KIAA1671: variants seen among roughly 807,000 people sequenced by gnomAD.
The protein encoded by KIAA1671 is KIAA1671, also known as uncharacterized protein KIAA1671.
KIAA1671 carries 52 observed loss-of-function variants against 131.2 expected under a neutral mutation model. The observed-to-expected ratio is 0.40, with a 90% confidence interval of 0.32 to 0.50. The LOEUF is 0.50. Among genes scored for constraint, KIAA1671 ranks in the 20% least tolerant of loss-of-function variants. The probability of loss-of-function intolerance (pLI) is 0.73; values close to 1 mark genes in which losing one functional copy is unlikely to be tolerated. For missense variants in KIAA1671, 2,360 were observed against 2,364.2 expected, an observed-to-expected ratio of 1.00 and a Z score of 0.04; for synonymous variants, 1,003 against 961.6, an observed-to-expected ratio of 1.04 and a Z score of -0.80.
At chr22:24,988,079 C>G (rs1206659590) in intron 1 of KIAA1671, among the ~76,000 whole-genome samples, 2 of 151,814 alleles carry the variant, frequency 1.3e-5, no homozygotes, top group Non-Finnish European at 2.9e-5. Context: ...AGTTCGAGAC[C>G]AGCTTGGCTA....
At chr22:24,953,005 C>A (rs950355750) in intron 1 of KIAA1671, among the ~76,000 whole-genome samples, 1 of 152,164 alleles carries the variant, frequency 6.6e-6, no homozygotes, top group African/African-American at 2.4e-5. Flanking sequence ...CCGGGGAATC[C>A]GTCTCCCGAG....
intron 1 of KIAA1671, among the ~76,000 whole-genome samples, chr22:24,959,889 G>A (rs1396993225): frequency 6.6e-6 from 1 of 152,102 alleles, no homozygotes; most frequent in African/African-American, 2.4e-5. Context: ...TGTAATCCCA[G>A]CACTTTGGGA....
intron 1 of KIAA1671, among the ~76,000 whole-genome samples, chr22:25,018,586 C>G (rs1925473295): frequency 1.3e-5 from 2 of 152,140 alleles, no homozygotes; most frequent in African/African-American, 2.4e-5. Context: ...CGCTGGCAAC[C>G]ACCATTGTAC....
chr22:24,960,308 T>C (rs947570385), intron 1 of KIAA1671, among the ~76,000 whole-genome samples: 1 of 151,176 alleles, frequency 6.6e-6, no homozygotes, highest in African/African-American at 2.4e-5. Context: ...CCCAGCACTT[T>C]AGGCGGCCGG....
intron 1 of KIAA1671, among the ~76,000 whole-genome samples, chr22:24,994,317 G>A (rs1923995003): frequency 6.6e-6 from 1 of 152,176 alleles, no homozygotes; most frequent in Non-Finnish European, 1.5e-5. Context: ...GGGTGCAAAG[G>A]CAAGCAGTTT....
Position 25,039,924 on chromosome 22 carries a change from G to A in KIAA1671, c.2794G>A (p.Val932Ile). The change falls in exon 5 of 13, where the codon GTC (valine) becomes ATC (isoleucine). Residue 932 changes from valine to isoleucine, a missense_variant. Val to Ile is a conservative substitution (Grantham distance 29). Coordinates refer to ENST00000358431, the MANE Select transcript of KIAA1671 (RefSeq NM_001145206.2). Reference sequence around the variant, plus strand: ...GCCGGCCCAGGTGCCACAGCCTGCAGTCAGAATGCGGAAAGCCGGCGCCAT... The same window carrying A: ...GCCGGCCCAGGTGCCACAGCCTGCAATCAGAATGCGGAAAGCCGGCGCCAT... ...PGPAQVPQPA[V>I]RMRKAGAMDQ... 6.4e-7 allele frequency: 1 copy of A among 1,551,578 alleles called. No individual in the cohort carries two copies.
chr22:25,105,795 T>TGGTG (rs776091712), intron 6 of KIAA1671, among the ~76,000 whole-genome samples: 65 of 142,978 alleles, frequency 4.5e-4, no homozygotes, highest in Non-Finnish European at 8.8e-4. Flanking sequence ...GGCCAGGATA[T>TGGTG]ATAGCTTGTC....
chr22:25,016,473 C>G (rs1375943450), intron 1 of KIAA1671, among the ~76,000 whole-genome samples: 1 of 152,168 alleles, frequency 6.6e-6, no homozygotes, highest in Non-Finnish European at 1.5e-5. Flanking sequence ...ATCACGGAAT[C>G]TTAAAAATGA....
chr22:25,006,936 T>TGTAAGGC (rs1924779225), intron 1 of KIAA1671, among the ~76,000 whole-genome samples: 1 of 152,188 alleles, frequency 6.6e-6, no homozygotes, highest in Non-Finnish European at 1.5e-5. Flanking sequence ...CCTTTTGCTA[T>TGTAAGGC]GTAAGGCAAT....
chr22:25,142,727 C>T (rs1162711898), intron 6 of KIAA1671, among the ~76,000 whole-genome samples: 1 of 152,122 alleles, frequency 6.6e-6, no homozygotes, highest in Non-Finnish European at 1.5e-5. Flanking sequence ...GAAAAATTAG[C>T]CAGGTGTGGT....
intron 6 of KIAA1671, among the ~76,000 whole-genome samples, chr22:25,101,871 GGGTAAACCA>G (rs1568956191): frequency 6.6e-6 from 1 of 152,182 alleles, no homozygotes; most frequent in Non-Finnish European, 1.5e-5. Context: ...GAAGACTGAT[GGGTAAACCA>G]AATTATGGCC....
Position 25,025,760 on chromosome 22 carries a change from C to G in KIAA1671, c.-80C>G, listed in dbSNP as rs1434800391. 2.0e-5 allele frequency: 3 copies of G among 152,274 alleles called. No individual in the cohort carries two copies. The South Asian group carries it at 6.2e-4, about 32-fold the overall frequency. 9.4% of individuals were successfully genotyped at this position (152,274 alleles called of 1,614,324 possible). A position where few individuals can be genotyped will look rare whatever the true frequency, so the allele number is the denominator to read the frequency against. On this transcript the variant is annotated 5_prime_UTR_variant, in exon 2 of 13. Coordinates refer to ENST00000358431, the MANE Select transcript of KIAA1671 (RefSeq NM_001145206.2). ...CTGGCTTTTCCCGGCAGTCACACCC[C>G]CTGACCCAGGGCCTGCCAGCTTGGG...
At chr22:24,992,508 A>G (rs909916425) in intron 1 of KIAA1671, among the ~76,000 whole-genome samples, 9 of 152,020 alleles carry the variant, frequency 5.9e-5, no homozygotes, top group African/African-American at 2.2e-4. Flanking sequence ...GAGACTGGTA[A>G]AAGTTTGATC....
chr22:25,058,638 A>C (rs1292281835), intron 6 of KIAA1671: 2 of 152,110 alleles, frequency 1.3e-5, no homozygotes, highest in Non-Finnish European at 2.9e-5. Flanking sequence ...TAAAGAGTAG[A>C]AGAGGAGAAG....
chr22:25,028,863 G>T lies in KIAA1671; in HGVS notation c.864G>T (p.Thr288=), dbSNP rs534336780. The change falls in exon 3 of 13, where the codon ACG becomes ACT. Residue 288 remains threonine (T), a synonymous_variant. Coordinates refer to ENST00000358431, the MANE Select transcript of KIAA1671 (RefSeq NM_001145206.2). ...CCAGGCCCTTGTCCATGGACCTCACGGCCCGGTTTGAGAACAAAGAGGCCT... is the reference window on the plus strand; with the variant it reads ...CCAGGCCCTTGTCCATGGACCTCACTGCCCGGTTTGAGAACAAAGAGGCCT... The part of the protein sequence containing the change: ...RKPRPLSMDL[T]ARFENKEALL... 9.0e-6 allele frequency: 14 copies of T among 1,551,026 alleles called. No homozygotes were observed. The highest frequency in any genetic ancestry group is 1.2e-5 in the Non-Finnish European group (14 of 1,146,890).
At chr22:25,012,397 C>G (rs970248373) in intron 1 of KIAA1671, 3 of 152,008 alleles carry the variant, frequency 2.0e-5, no homozygotes, top group African/African-American at 7.3e-5. Flanking sequence ...TTCACCCTCC[C>G]GAGTAGCTGA....
Position 25,174,260 on chromosome 22 carries a change from A to G in KIAA1671, c.4670A>G (p.Asp1557Gly). ...SGESLATESP[D>G]SSATSTRKQP... ...GGCAGCTTGGCCACTGAGTCCCCAG[A>G]TAGCAGTGCCACATCGACAAGGAAA... The change falls in exon 8 of 13, where the codon GAT becomes GGT. Residue 1557 changes from aspartate to glycine, a missense_variant. Around this residue, in one of 3 missense-constraint regions of KIAA1671, gnomAD observed 1,161 missense variants for 1,204.7 expected, o/e 0.96. Transcript: ENST00000358431. The G allele has an allele frequency of 1.3e-6, 2 of 1,551,684 alleles. No individual in the cohort carries two copies. Among genetic ancestry groups the G allele is most frequent in the Non-Finnish European group, 1.7e-6 (2 of 1,146,986 alleles).
chr22:25,078,965 C>G (rs1308786544), intron 6 of KIAA1671, among the ~76,000 whole-genome samples: 1 of 152,142 alleles, frequency 6.6e-6, no homozygotes, highest in African/African-American at 2.4e-5. Context: ...TCGAGCAAAT[C>G]TCTTAGCCCT....
chr22:25,103,133 G>C (rs942584483), intron 6 of KIAA1671, among the ~76,000 whole-genome samples: 1 of 152,104 alleles, frequency 6.6e-6, no homozygotes, highest in Non-Finnish European at 1.5e-5. Context: ...GAAAGGCTTT[G>C]GGATCAGACA....
Sources: allele counts gnomAD v4.1 joint callset (sites outside exome capture counted in the v4.1 genomes callset), GRCh38; gene constraint gnomAD v4.1.1; regional missense constraint gnomAD v4.1.1; transcripts MANE v1.5; gene names NCBI Gene and HGNC (gene_info 2026-07-23, HGNC 2026-07-21).